The following NOL12 variants were observed in gnomAD, a reference collection of about 807,000 sequenced individuals.
NOL12 encodes the protein nucleolar protein 12.
A neutral mutation model predicts 25.2 loss-of-function variants in NOL12; 21 were observed. The ratio of observed to expected loss-of-function variants is 0.83; its 90% confidence interval spans 0.59 to 1.20. NOL12 has a LOEUF of 1.20. Ranked by LOEUF, NOL12 falls within the 50% of genes most tolerant of loss-of-function variation. The probability of loss-of-function intolerance (pLI) is 0.00; values close to 1 mark genes in which losing one functional copy is unlikely to be tolerated. For synonymous variants in NOL12, 133 were observed against 113.8 expected (o/e 1.17, Z -1.08); for missense variants, 286 against 287.6 (o/e 0.99, Z 0.04).
At chr22:37,686,880 G>C (rs1921839282) in intron 1 of NOL12, 5 of 985,368 alleles carry the variant, frequency 5.1e-6, no homozygotes, top group Non-Finnish European at 4.8e-6. Flanking sequence ...TGGTGTGCCA[G>C]GTCCCGTATC....
At chr22:37,690,601 G>A (rs553796606) in intron 4 of NOL12, 96 bp from the exon 5 acceptor site, 7 of 786,540 alleles carry the variant, frequency 8.9e-6, no homozygotes, top group Middle Eastern at 2.4e-4. Flanking sequence ...GCAGCAGGGC[G>A]CGCCACCACT....
chr22:37,690,794 G>T lies in NOL12; in HGVS notation c.479G>T (p.Arg160Leu), dbSNP rs758314914. The T allele has an allele frequency of 1.9e-6, 3 of 1,609,974 alleles. No individual in the cohort carries two copies. The highest frequency in any genetic ancestry group is 2.7e-5 in the African/African-American group (2 of 74,848). ...RKSRDPLLSQ[R>L]ISSLTASLHA... ...TCCAGAGACCCCCTGCTCTCTCAGC[G>T]GTGAGTCTTGGCCTGCTGCCTCCCC... is the stretch of plus-strand genomic sequence containing the variant. The change falls in exon 5 of 6, where the codon CGG becomes CTG. Residue 160 changes from arginine (R) to leucine (L), a missense_variant and splice_region_variant. Coordinates refer to ENST00000359114, the MANE Select transcript of NOL12 (RefSeq NM_024313.3).
chr22:37,686,473 GCGGTGAGTGGCAAAGC>G lies in NOL12; in HGVS notation c.83+2_83+17del. 1 of 1,598,282 alleles carries G rather than the reference GCGGTGAGTGGCAAAGC, an allele frequency of 6.3e-7. No homozygotes were observed. The highest frequency in any genetic ancestry group is 1.1e-5 in the South Asian group (1 of 88,470). On this transcript the variant is annotated splice_donor_variant and splice_donor_5th_base_variant and coding_sequence_variant and intron_variant, in exon 1 of 6. Transcript: ENST00000359114. LOFTEE classifies it high-confidence loss of function. ...TTCTTAGCTTCGACGAGGAGAAGAG[GCGGTGAGTGGCAAAGC>G]CGGACCGGACTCCCCTCGAGCTGTT...
chr22:37,689,438 C>T (rs1921967753), intron 4 of NOL12, among the ~76,000 whole-genome samples: 1 of 152,190 alleles, frequency 6.6e-6, no homozygotes, highest in African/African-American at 2.4e-5. Flanking sequence ...TTGTTGTGAT[C>T]GTTCCCTTTG....
At chr22:37,686,647 C>A in intron 1 of NOL12, 172 bp downstream of exon 1, 1 of 985,390 alleles carries the variant, frequency 1.0e-6, no homozygotes, top group African/African-American at 1.7e-5. Context: ...TCTCGGCCGC[C>A]ACCTTCTCCC....
At chr22:37,689,206 G>C (rs1921957208) in intron 4 of NOL12, among the ~76,000 whole-genome samples, 1 of 152,242 alleles carries the variant, frequency 6.6e-6, no homozygotes, top group African/African-American at 2.4e-5. Context: ...TTCATTCCCT[G>C]CTTCCGGGGT....
At chr22:37,687,616 C>G (rs1487435344) in intron 1 of NOL12, among the ~76,000 whole-genome samples, 1 of 152,152 alleles carries the variant, frequency 6.6e-6, no homozygotes, top group African/African-American at 2.4e-5. Flanking sequence ...CGCCACCAAG[C>G]CCAGCTAATT....
At chr22:37,688,810 G>T in intron 3 of NOL12, 40 bp from the exon 4 acceptor site, 1 of 1,612,136 alleles carries the variant, frequency 6.2e-7, no homozygotes, top group Non-Finnish European at 8.5e-7. Context: ...CTGGTCACTC[G>T]TTCCCGTGAC....
In NOL12 at chr22:37,687,953, A is replaced by T; in HGVS notation, c.127A>T (p.Lys43Ter). The stretch of plus-strand genomic sequence containing the variant: ...CCACAAGCGGAAGGTCGAGCGAAAG[A>T]AGGCAGCCATTGAGGAGATTAAGCA... ...GFHKRKVERK[K>*]AAIEEIKQRL... The change falls in exon 2 of 6, where the codon AAG (lysine) becomes TAG (stop). Residue 43 changes from lysine to a stop codon, truncating the protein, a stop_gained. Coordinates refer to ENST00000359114, the MANE Select transcript of NOL12 (RefSeq NM_024313.3). LOFTEE classifies it high-confidence loss of function. 1 of 1,590,316 alleles carries T rather than the reference A, an allele frequency of 6.3e-7. No individual in the cohort carries two copies. The highest frequency in any genetic ancestry group is 8.6e-7 in the Non-Finnish European group (1 of 1,168,690).
intron 1 of NOL12, chr22:37,686,924 C>T (rs1281447463): frequency 3.0e-6 from 3 of 985,294 alleles, no homozygotes; most frequent in South Asian, 4.7e-5. Flanking sequence ...AGCGTCTGGC[C>T]AGATAAATAA....
Position 37,691,320 on chromosome 22 carries a change from G to A in NOL12, c.626G>A (p.Arg209Gln), listed in dbSNP as rs573607500. Reference sequence around the variant, plus strand: ...CGCCGCCGTCTCACAGGCAAAGCACGGCACAGCGGGGAGTGAGACCGAGAA... The same window carrying A: ...CGCCGCCGTCTCACAGGCAAAGCACAGCACAGCGGGGAGTGAGACCGAGAA... ...AQRRRLTGKA[R>Q]HSGE is the part of the protein sequence containing the mutation. The change falls in exon 6 of 6, where the codon CGG becomes CAG. Residue 209 changes from arginine to glutamine, a missense_variant. Transcript: ENST00000359114. 14 of 1,611,156 alleles carry A rather than the reference G, an allele frequency of 8.7e-6. No individual in the cohort carries two copies. Among genetic ancestry groups the A allele is most frequent in the Middle Eastern group, 1.7e-4 (1 of 6,024 alleles).
Position 37,691,361 on chromosome 22 carries a change from G to GCTTCGT in NOL12, c.*25_*26insCTTCGT. 3 of 1,585,410 alleles carry GCTTCGT rather than the reference G, an allele frequency of 1.9e-6. No individual in the cohort carries two copies. The highest frequency in any genetic ancestry group is 2.3e-5 in the South Asian group (2 of 88,172). ...AGACCGAGAACGAAGCGGTGCCCCAGTCTAGGCTGCGGGGACCTGTCCTTG... is the reference window on the plus strand; with the variant it reads ...AGACCGAGAACGAAGCGGTGCCCCAGCTTCGTTCTAGGCTGCGGGGACCTGTCCTTG... On this transcript the variant is annotated 3_prime_UTR_variant, in exon 6 of 6. Coordinates refer to ENST00000359114, the MANE Select transcript of NOL12 (RefSeq NM_024313.3).
intron 3 of NOL12, 86 bp from the exon 4 acceptor site, chr22:37,688,764 G>A: frequency 7.2e-7 from 1 of 1,393,390 alleles, no homozygotes; most frequent in South Asian, 1.2e-5. Flanking sequence ...AGAGTAGAGG[G>A]GGCACTGCAC....
At position 37,691,605 on chromosome 22, in the gene NOL12, C is replaced by T. The variant is rs1922068684; in HGVS notation, c.*269C>T. Reference sequence around the variant, plus strand: ...ACGTGGGGGCATCTTCCCAAATGTGCACCCCACCTGGCACTCATCAGATTT... The same window carrying T: ...ACGTGGGGGCATCTTCCCAAATGTGTACCCCACCTGGCACTCATCAGATTT... On this transcript the variant is annotated 3_prime_UTR_variant, in exon 6 of 6. Transcript: ENST00000359114. 1 of 306,522 alleles carries T rather than the reference C, an allele frequency of 3.3e-6. No individual in the cohort carries two copies. The highest frequency in any genetic ancestry group is 7.1e-5 in the South Asian group (1 of 14,000). 19.0% of individuals were successfully genotyped at this position (306,522 alleles called of 1,614,324 possible). A position where few individuals can be genotyped will look rare whatever the true frequency, so the allele number is the denominator to read the frequency against.
Position 37,688,130 on chromosome 22 carries a change from G to A in NOL12, c.189+115G>A. The A allele has an allele frequency of 3.6e-6, 4 of 1,103,848 alleles. No homozygotes were observed. In the South Asian group the frequency reaches 5.5e-5, roughly 15 times the overall value. 68.4% of individuals were successfully genotyped at this position (1,103,848 alleles called of 1,614,324 possible). A position where few individuals can be genotyped will look rare whatever the true frequency, so the allele number is the denominator to read the frequency against. On this transcript the variant is annotated intron_variant, in intron 2 of 5. Transcript: ENST00000359114. ...GGCGATGTGTGTGTGGGCAGGACTG[G>A]GGAATAGTTTATACAGGTGGAGACT...
rs546272576 is a variant in NOL12 at position 37,692,993 on chromosome 22, C to T, written c.*1657C>T. Reference sequence around the variant, plus strand: ...GGCTTCTTGGCTCCGCCCACCTGCTCTCCCTGCCACCAAGTTGTCTTCCCC... The same window carrying T: ...GGCTTCTTGGCTCCGCCCACCTGCTTTCCCTGCCACCAAGTTGTCTTCCCC... On this transcript the variant is annotated 3_prime_UTR_variant, in exon 6 of 6. Coordinates refer to ENST00000359114, the MANE Select transcript of NOL12 (RefSeq NM_024313.3). 1.6e-5 allele frequency: 5 copies of T among 320,004 alleles called. No individual in the cohort carries two copies. Among genetic ancestry groups the T allele is most frequent in the Non-Finnish European group, 2.8e-5 (5 of 176,090 alleles). The allele number at this position is 320,004 out of a possible 1,614,324, so 19.8% of individuals were successfully genotyped here. A position where few individuals can be genotyped will look rare whatever the true frequency, so the allele number is the denominator to read the frequency against.
intron 4 of NOL12, among the ~76,000 whole-genome samples, chr22:37,690,166 C>T (rs763990175): frequency 4.7e-5 from 7 of 148,162 alleles, no homozygotes; most frequent in South Asian, 2.1e-4. Flanking sequence ...AGCAAAACTC[C>T]GTCTCAAAAA....
At chr22:37,687,710 G>T (rs938017385) in intron 1 of NOL12, 200 bp from the exon 2 acceptor site, 6 of 445,784 alleles carry the variant, frequency 1.3e-5, no homozygotes, top group Non-Finnish European at 2.5e-5. Context: ...TTCCCACCTC[G>T]ACCTTCCAAA....
At position 37,691,455 on chromosome 22, in the gene NOL12, C is replaced by T. The variant is rs1403169209; in HGVS notation, c.*119C>T. The T allele has an allele frequency of 1.7e-6, 2 of 1,198,162 alleles. No homozygotes were observed. The highest frequency in any genetic ancestry group is 2.2e-6 in the Non-Finnish European group (2 of 901,090). The allele number at this position is 1,198,162 out of a possible 1,614,324, so 74.2% of individuals were successfully genotyped here. A position where few individuals can be genotyped will look rare whatever the true frequency, so the allele number is the denominator to read the frequency against. ...GACTGCACAGCTCAAGGTTGGGAAG[C>T]CAGGACCTCTCTGGCCTGGGGCCAG... On this transcript the variant is annotated 3_prime_UTR_variant, in exon 6 of 6. Transcript: ENST00000359114.
Sources: allele counts gnomAD v4.1 joint callset (sites outside exome capture counted in the v4.1 genomes callset), GRCh38; gene constraint gnomAD v4.1.1; transcripts MANE v1.5; gene names NCBI Gene and HGNC (gene_info 2026-07-23, HGNC 2026-07-21).